Variants in TCEA3 observed in about 807,000 individuals in gnomAD.
TCEA3 encodes the protein transcription elongation factor A3, also known as transcription elongation factor A protein 3.
TCEA3 carries 36 observed loss-of-function variants against 44.0 expected under a neutral mutation model. That is an observed-to-expected ratio of 0.82 (90% CI 0.63 to 1.08). TCEA3 has a LOEUF of 1.08. Among genes scored for constraint, TCEA3 ranks in the 50% least tolerant of loss-of-function variants. TCEA3 has a pLI of 0.00. For missense variants in TCEA3, 392 were observed against 441.2 expected (o/e 0.89, Z 1.00); for synonymous variants, 162 against 159.7 (o/e 1.01, Z -0.11).
intron 4 of TCEA3, among the ~76,000 whole-genome samples, chr1:23,413,134 A>G (rs1639782560): frequency 6.6e-6 from 1 of 152,044 alleles, no homozygotes; most frequent in Admixed American, 6.6e-5. Flanking sequence ...GTACATATGA[A>G]TGTTCTTTTT....
intron 7 of TCEA3, among the ~76,000 whole-genome samples, 200 bp downstream of exon 7, chr1:23,397,345 C>G (rs1286466788): frequency 6.6e-6 from 1 of 152,152 alleles, no homozygotes; most frequent in African/African-American, 2.4e-5. Flanking sequence ...GAATGAGGTA[C>G]TGCTCATTTT....
intron 5 of TCEA3, chr1:23,403,765 TTCCAGAGTCC>T: frequency 3.7e-6 from 1 of 271,274 alleles, no homozygotes; most frequent in Non-Finnish European, 7.2e-6. Flanking sequence ...AAAGAGAGGT[TTCCAGAGTCC>T]TCCTACCTGA....
intron 8 of TCEA3, among the ~76,000 whole-genome samples, chr1:23,391,148 C>CTTTTT (rs59905045): frequency 6.2e-4 from 78 of 126,364 alleles, no homozygotes; most frequent in Non-Finnish European, 1.0e-3. Context: ...TTCTTTCTTT[C>CTTTTT]TTTTTTTTTT....
chr1:23,400,903 C>T (rs1639379126), intron 5 of TCEA3, among the ~76,000 whole-genome samples: 1 of 152,178 alleles, frequency 6.6e-6, no homozygotes, highest in East Asian at 1.9e-4. Context: ...GGCCTGGATC[C>T]ACAGCTGCTT....
At chr1:23,382,247 T>C (rs1170858202) in intron 10 of TCEA3, among the ~76,000 whole-genome samples, 2 of 152,110 alleles carry the variant, frequency 1.3e-5, no homozygotes, top group African/African-American at 4.8e-5. Context: ...GGTTTCTCCA[T>C]GTTGGTCAGG....
chr1:23,384,913 C>G (rs1158601247), intron 9 of TCEA3, among the ~76,000 whole-genome samples: 1 of 152,048 alleles, frequency 6.6e-6, no homozygotes. Context: ...GACTTATCTC[C>G]TACAGGAAGT....
Position 23,403,018 on chromosome 1 carries a change from G to A in TCEA3, c.444-5063C>T, listed in dbSNP as rs76310336. On this transcript the variant is annotated intron_variant, in intron 5 of 10. Coordinates refer to ENST00000450454, the MANE Select transcript of TCEA3 (RefSeq NM_003196.3). ...GAGGGATCTCTCTCTCTGGGAGTAC[G>A]AGAGGGATCTCTCTCAAAGCCAGCC... 4.5e-4 allele frequency among the ~76,000 whole-genome samples: 68 copies of A among 152,274 alleles called. No homozygotes were observed. The East Asian group carries it at 0.012, about 26-fold the overall frequency.
At chr1:23,405,297 C>A (rs527937354) in intron 5 of TCEA3, among the ~76,000 whole-genome samples, 311 of 152,156 alleles carry the variant, frequency 2.0e-3, no homozygotes, top group African/African-American at 7.3e-3. Context: ...GGGTAGGAGA[C>A]AAATTAATGA....
intron 3 of TCEA3, 45 bp from the exon 4 acceptor site, chr1:23,417,435 C>A: frequency 6.3e-7 from 1 of 1,587,896 alleles, no homozygotes; most frequent in South Asian, 1.1e-5. Flanking sequence ...AGCTCTGTCT[C>A]AGCAGAACCC....
At chr1:23,415,404 T>C (rs886688840) in intron 4 of TCEA3, among the ~76,000 whole-genome samples, 5 of 152,228 alleles carry the variant, frequency 3.3e-5, no homozygotes, top group Non-Finnish European at 7.3e-5. Context: ...CACTTTTACC[T>C]GGATGCCTAC....
chr1:23,419,236 C>G, intron 1 of TCEA3, 97 bp from the exon 2 acceptor site: 1 of 897,046 alleles, frequency 1.1e-6, no homozygotes, highest in Non-Finnish European at 1.7e-6. Context: ...AGGATACAGA[C>G]AGACATGTGG....
chr1:23,401,877 G>T (rs968010702), intron 5 of TCEA3, among the ~76,000 whole-genome samples: 2 of 152,054 alleles, frequency 1.3e-5, no homozygotes, highest in Non-Finnish European at 2.9e-5. Context: ...TAGGTTGCAC[G>T]CTCCTTACGA....
intron 7 of TCEA3, among the ~76,000 whole-genome samples, chr1:23,397,161 C>T (rs759964085): frequency 3.3e-4 from 50 of 152,302 alleles, no homozygotes; most frequent in Non-Finnish European, 6.5e-4. Context: ...CTAGCTGGCA[C>T]AGCCGCTGAG....
chr1:23,392,470 A>G (rs995298423), intron 8 of TCEA3, among the ~76,000 whole-genome samples: 347 of 37,386 alleles, frequency 9.3e-3, no homozygotes, highest in Non-Finnish European at 0.011. Flanking sequence ...CACACATCAT[A>G]CACACCACAC....
rs1409100892 is a variant in TCEA3, at chr1:23,408,675, T to C, written c.432A>G (p.Pro144=). 4 of 1,611,554 alleles carry C rather than the reference T, an allele frequency of 2.5e-6. No homozygotes were observed. The highest frequency in any genetic ancestry group is 3.4e-6 in the Non-Finnish European group (4 of 1,179,064). Residue 144 remains proline (P), a synonymous_variant, in exon 5 of 11, where the codon CCA becomes CCG. Coordinates refer to ENST00000450454, the MANE Select transcript of TCEA3 (RefSeq NM_003196.3). ...GTGGTTTCCTTTACCTTTCCACCGA[T>C]GGTCTTTTTGGAGAGGAGGAGGCAG... The part of the protein sequence containing the change: ...KSSASSSPKR[P]SVERSNSSKS...
chr1:23,406,898 C>G (rs893970065), intron 5 of TCEA3, among the ~76,000 whole-genome samples: 1 of 152,068 alleles, frequency 6.6e-6, no homozygotes, highest in Non-Finnish European at 1.5e-5. Flanking sequence ...CTGGGATTAC[C>G]GGCATGAGCC....
intron 5 of TCEA3, among the ~76,000 whole-genome samples, chr1:23,405,118 T>C (rs3017182): frequency 0.077 from 11,642 of 152,176 alleles, 1,515 homozygotes; most frequent in African/African-American, 0.26. Flanking sequence ...TACTTTCTAG[T>C]TTGCCATGAT....
At chr1:23,403,406 A>C (rs1639454949) in intron 5 of TCEA3, 1 of 152,192 alleles carries the variant, frequency 6.6e-6, no homozygotes, top group Non-Finnish European at 1.5e-5. Context: ...TACCCATCTT[A>C]TGGGGCAGAT....
rs571257860 is a variant in TCEA3, at chr1:23,408,118, T to A, written c.443+546A>T. Among the ~76,000 whole-genome samples the A allele has an allele frequency of 3.9e-5, 6 of 152,146 alleles. 1 individual carries two copies. In the South Asian group the frequency reaches 1.0e-3, roughly 26 times the overall value. On this transcript the variant is annotated intron_variant, in intron 5 of 10. Transcript: ENST00000450454. The stretch of plus-strand genomic sequence containing the variant: ...CTGGGATTACAGGTGCCCACCACCA[T>A]GCCTGGCTAATTTTTGTATTTTTAG...
Sources: allele counts gnomAD v4.1 joint callset (sites outside exome capture counted in the v4.1 genomes callset), GRCh38; gene constraint gnomAD v4.1.1; transcripts MANE v1.5; gene names NCBI Gene and HGNC (gene_info 2026-07-23, HGNC 2026-07-21).